Variants in STPG2 observed in about 807,000 individuals in gnomAD.
STPG2 encodes the protein sperm-tail PG-rich repeat-containing protein 2.
STPG2 carries 56 observed loss-of-function variants against 54.2 expected under a neutral mutation model. The ratio of observed to expected loss-of-function variants is 1.03; its 90% CI spans 0.83 to 1.29. The LOEUF is 1.29. Among genes scored for constraint, STPG2 ranks in the 50% most tolerant of loss-of-function variants. STPG2 has a pLI of 0.00. For synonymous variants in STPG2, 200 were observed against 181.8 expected, an observed-to-expected ratio of 1.10 and a Z score of -0.81; for missense variants, 596 against 544.9, an observed-to-expected ratio of 1.09 and a Z score of -0.93.
At chr4:97,841,697 A>C (rs1157377072) in intron 8 of STPG2, among the ~76,000 whole-genome samples, 2 of 151,766 alleles carry the variant, frequency 1.3e-5, no homozygotes, top group African/African-American at 4.8e-5. Context: ...ATGGCTAAGC[A>C]TGTGGACTCT....
At chr4:97,889,676 T>C (rs892949528) in intron 8 of STPG2, among the ~76,000 whole-genome samples, 1 of 152,044 alleles carries the variant, frequency 6.6e-6, no homozygotes, top group Non-Finnish European at 1.5e-5. Context: ...GGGAAAAAGT[T>C]TGGGGGAAAG....
At chr4:97,749,441 T>C (rs1270053157) in intron 9 of STPG2, among the ~76,000 whole-genome samples, 2 of 151,726 alleles carry the variant, frequency 1.3e-5, no homozygotes, top group African/African-American at 4.8e-5. Context: ...AAAAAAGCAA[T>C]AGCAAGATAG....
At chr4:97,952,821 G>C (rs1443625597) in intron 7 of STPG2, among the ~76,000 whole-genome samples, 1 of 152,188 alleles carries the variant, frequency 6.6e-6, no homozygotes, top group Non-Finnish European at 1.5e-5. Context: ...TAGCCAGAAT[G>C]ATACAGACAA....
intron 9 of STPG2, among the ~76,000 whole-genome samples, chr4:97,809,895 C>T (rs1727683353): frequency 6.6e-6 from 1 of 151,350 alleles, no homozygotes; most frequent in African/African-American, 2.4e-5. Context: ...CAATTTGTTA[C>T]ACAGCAATAA....
At chr4:98,128,744 T>C in intron 2 of STPG2, 152 bp from the exon 3 acceptor site, 5 of 673,050 alleles carry the variant, frequency 7.4e-6, no homozygotes, top group Non-Finnish European at 1.2e-5. Context: ...TTATTGTTTT[T>C]TTTGAGATAG....
At chr4:97,729,100 G>A (rs1578512696) in intron 9 of STPG2, among the ~76,000 whole-genome samples, 1 of 59,606 alleles carries the variant, frequency 1.7e-5, no homozygotes, top group African/African-American at 5.2e-5. Flanking sequence ...TCTCTCTCAG[G>A]GCTCACTGAG....
chr4:97,797,364 C>CA (rs1324250006), intron 9 of STPG2, among the ~76,000 whole-genome samples: 2 of 152,166 alleles, frequency 1.3e-5, no homozygotes, highest in Non-Finnish European at 2.9e-5. Context: ...CATGCCCCAT[C>CA]AATACCTAAT....
intron 4 of STPG2, among the ~76,000 whole-genome samples, chr4:97,534,001 T>TTGA (rs1243836712): frequency 6.6e-6 from 1 of 152,098 alleles, no homozygotes; most frequent in South Asian, 2.1e-4. Context: ...TCCAAAGAGG[T>TTGA]TGAACTATTT....
chr4:97,960,811 A>T (rs143749146), intron 7 of STPG2, among the ~76,000 whole-genome samples: 325 of 152,160 alleles, frequency 2.1e-3, no homozygotes, highest in Non-Finnish European at 3.3e-3. Context: ...TCCCATCAAA[A>T]TACCATCATC....
intron 9 of STPG2, among the ~76,000 whole-genome samples, chr4:97,731,916 C>T (rs1268277443): frequency 6.6e-6 from 1 of 152,178 alleles, no homozygotes; most frequent in East Asian, 1.9e-4. Flanking sequence ...GTCCTTTGGC[C>T]CCCATGGGGC....
Position 97,888,641 on chromosome 4 carries a change from G to A in STPG2, c.1045-47709C>T, listed in dbSNP as rs1730665391. Among the ~76,000 whole-genome samples the A allele has an allele frequency of 2.0e-5, 3 of 152,168 alleles. No homozygotes were observed. In the South Asian group the frequency reaches 6.2e-4, roughly 32 times the overall value. ...CTGCCTTGTCTCATATAAGACTTTG[G>A]ACTGTGTACTTTTGAGTCAATGCTG... On this transcript the variant is annotated intron_variant, in intron 8 of 10. Coordinates refer to ENST00000295268, the MANE Select transcript of STPG2 (RefSeq NM_174952.3).
intron 7 of STPG2, among the ~76,000 whole-genome samples, chr4:97,951,790 G>A (rs185990688): frequency 6.6e-6 from 1 of 152,194 alleles, no homozygotes; most frequent in East Asian, 1.9e-4. Flanking sequence ...TATTTACTGG[G>A]TTGAACAACT....
chr4:97,758,623 G>A (rs917300032), intron 9 of STPG2, among the ~76,000 whole-genome samples: 1 of 152,046 alleles, frequency 6.6e-6, no homozygotes, highest in African/African-American at 2.4e-5. Flanking sequence ...GGCCTGTCAG[G>A]GGGGTGCGGG....
intron 10 of STPG2, among the ~76,000 whole-genome samples, chr4:97,569,985 C>G (rs1369092307): frequency 6.6e-6 from 1 of 151,932 alleles, no homozygotes; most frequent in Non-Finnish European, 1.5e-5. Context: ...TTATATATTA[C>G]TCCAACAAAA....
intron 5 of STPG2, among the ~76,000 whole-genome samples, chr4:98,098,792 A>C (rs1738936980): frequency 6.6e-6 from 1 of 152,192 alleles, no homozygotes; most frequent in African/African-American, 2.4e-5. Flanking sequence ...CTAATAATCC[A>C]ATTTAAAAAT....
At chr4:97,956,117 G>T (rs144836488) in intron 7 of STPG2, among the ~76,000 whole-genome samples, 18 of 152,124 alleles carry the variant, frequency 1.2e-4, no homozygotes, top group Non-Finnish European at 2.2e-4. Context: ...AAAATATGTA[G>T]ATTTAAAATG....
intron 5 of STPG2, among the ~76,000 whole-genome samples, chr4:98,093,378 G>A (rs568647290): frequency 1.1e-3 from 169 of 152,198 alleles, no homozygotes; most frequent in African/African-American, 3.9e-3. Flanking sequence ...TTCAAGGACA[G>A]TTATGATTTA....
At chr4:97,917,026 G>A (rs1731905267) in intron 8 of STPG2, 1 of 152,654 alleles carries the variant, frequency 6.6e-6, no homozygotes. Context: ...AGGTTCTTCT[G>A]ATCAGTGACA....
At chr4:97,841,064 T>C in intron 8 of STPG2, 132 bp from the exon 9 acceptor site, 1 of 897,082 alleles carries the variant, frequency 1.1e-6, no homozygotes, top group African/African-American at 1.8e-5. Context: ...ACATTAAAAA[T>C]AGAAACTTAA....
Sources: gnomAD v4.1 joint callset for allele counts (sites outside exome capture counted in the v4.1 genomes callset) on GRCh38, gnomAD v4.1.1 for gene constraint, MANE v1.5 for transcripts, NCBI Gene and HGNC (gene_info 2026-07-23, HGNC 2026-07-21) for gene names.